The following STPG4 variants were observed in gnomAD, a reference collection of about 807,000 sequenced individuals.
STPG4 encodes protein STPG4.
STPG4 carries 41 observed loss-of-function variants against 31.5 expected under a neutral mutation model. The observed-to-expected ratio is 1.30, with a 90% CI of 1.01 to 1.69. STPG4 has a LOEUF of 1.69. Ranked by LOEUF, STPG4 falls within the 40% of genes most tolerant of loss-of-function variation. The probability of loss-of-function intolerance (pLI) is 0.00; values close to 1 mark genes in which losing one functional copy is unlikely to be tolerated. For synonymous variants in STPG4, 141 were observed against 103.0 expected, an observed-to-expected ratio of 1.37 and a Z score of -2.24; for missense variants, 375 against 293.4, an observed-to-expected ratio of 1.28 and a Z score of -2.03.
At chr2:47,115,161 AT>A (rs935929619) in intron 5 of STPG4, among the ~76,000 whole-genome samples, 1 of 150,996 alleles carries the variant, frequency 6.6e-6, no homozygotes, top group African/African-American at 2.4e-5. Context: ...TATTTTCTTC[AT>A]TTTTCCCCAT....
intron 5 of STPG4, among the ~76,000 whole-genome samples, chr2:47,102,546 T>C (rs1275735839): frequency 6.6e-6 from 1 of 151,824 alleles, no homozygotes; most frequent in African/African-American, 2.4e-5. Flanking sequence ...ATGTCCGAGC[T>C]TTCTTTTCAT....
At chr2:47,094,595 G>A (rs998179099) in intron 5 of STPG4, among the ~76,000 whole-genome samples, 5 of 152,150 alleles carry the variant, frequency 3.3e-5, no homozygotes, top group Admixed American at 6.5e-5. Context: ...GAACCAAACA[G>A]AAACACCACA....
At chr2:47,126,249 T>G (rs1012478029) in intron 5 of STPG4, among the ~76,000 whole-genome samples, 1 of 152,118 alleles carries the variant, frequency 6.6e-6, no homozygotes, top group Non-Finnish European at 1.5e-5. Context: ...CTTTCTTCTT[T>G]CTTTCCTTCC....
chr2:47,120,503 C>G (rs1054481803), intron 5 of STPG4, among the ~76,000 whole-genome samples: 1 of 151,576 alleles, frequency 6.6e-6, no homozygotes, highest in African/African-American at 2.4e-5. Context: ...GGAGGTGGAG[C>G]TTGCAGTGAG....
At chr2:47,141,593 G>A (rs1399539828) in intron 3 of STPG4, among the ~76,000 whole-genome samples, 2 of 151,174 alleles carry the variant, frequency 1.3e-5, no homozygotes, top group Non-Finnish European at 1.5e-5. Flanking sequence ...TAAGCCGCTT[G>A]ACTAACCACT....
chr2:47,092,911 G>A (rs1170132933), intron 5 of STPG4, among the ~76,000 whole-genome samples: 1 of 151,986 alleles, frequency 6.6e-6, no homozygotes, highest in Non-Finnish European at 1.5e-5. Context: ...TTCTGCATCA[G>A]CCTCTCAAGT....
intron 5 of STPG4, among the ~76,000 whole-genome samples, chr2:47,094,882 A>C (rs1685639103): frequency 6.6e-6 from 1 of 152,186 alleles, no homozygotes; most frequent in Non-Finnish European, 1.5e-5. Flanking sequence ...ATAACATTAC[A>C]GGCCTTTGGT....
At chr2:47,098,192 A>G (rs1243584186) in intron 5 of STPG4, among the ~76,000 whole-genome samples, 1 of 152,106 alleles carries the variant, frequency 6.6e-6, no homozygotes, top group African/African-American at 2.4e-5. Context: ...CCTCCTCTCT[A>G]GCCTGACCCA....
chr2:47,100,080 C>T (rs991383260), intron 5 of STPG4, among the ~76,000 whole-genome samples: 1 of 152,124 alleles, frequency 6.6e-6, no homozygotes, highest in Non-Finnish European at 1.5e-5. Flanking sequence ...CTCCAAGGTG[C>T]CCAGTCCCAT....
chr2:47,091,623 G>C (rs951230369), intron 5 of STPG4, among the ~76,000 whole-genome samples: 2 of 152,206 alleles, frequency 1.3e-5, no homozygotes, highest in Non-Finnish European at 2.9e-5. Flanking sequence ...GGAGTTAGGG[G>C]AAGTGGGTGG....
At position 47,104,772 on chromosome 2, in the gene STPG4, T is replaced by C. The variant is rs918519796; in HGVS notation, c.520-14398A>G. On this transcript the variant is annotated intron_variant, in intron 5 of 6. Coordinates refer to ENST00000445927, the MANE Select transcript of STPG4 (RefSeq NM_001163561.2). ...CCTCATGCCAGCAGGCTACTCTAGA[T>C]CTCTTGAACTTTCTAGCTAATCAAG... Among the ~76,000 whole-genome samples the C allele has an allele frequency of 5.2e-4, 79 of 152,060 alleles. 1 individual carries two copies. Among genetic ancestry groups the C allele is most frequent in the African/African-American group, 1.9e-3 (77 of 41,362 alleles).
chr2:47,117,821 C>A (rs1282272476), intron 5 of STPG4, among the ~76,000 whole-genome samples: 1 of 152,154 alleles, frequency 6.6e-6, no homozygotes, highest in Non-Finnish European at 1.5e-5. Context: ...TGCATATGAA[C>A]TCATTCTACT....
chr2:47,112,371 A>G (rs1256434665), intron 5 of STPG4, among the ~76,000 whole-genome samples: 1 of 151,738 alleles, frequency 6.6e-6, no homozygotes, highest in African/African-American at 2.4e-5. Context: ...CAGTTTCACC[A>G]TGTTGGCCAA....
rs112066230 is a variant in STPG4, at chr2:47,131,848, C to A, written c.400-1588G>T. ...CCCTGGGTCTAGGGACATTAGCCCA[C>A]AGTTATGATATAAGAATGTCAGGAA... is the stretch of plus-strand genomic sequence containing the variant. On this transcript the variant is annotated intron_variant, in intron 3 of 6. Transcript: ENST00000445927. Among the ~76,000 whole-genome samples, 518 of 152,258 alleles carry A rather than the reference C, an allele frequency of 3.4e-3. 3 individuals are homozygous for A. The highest frequency in any genetic ancestry group is 0.012 in the African/African-American group (489 of 41,552).
intron 5 of STPG4, among the ~76,000 whole-genome samples, chr2:47,112,090 AAGT>A (rs1417485482): frequency 2.0e-5 from 3 of 152,226 alleles, no homozygotes; most frequent in East Asian, 3.8e-4. Context: ...CTAAAAAACT[AAGT>A]AGTAATCTGA....
chr2:47,108,421 G>A (rs377630417), intron 5 of STPG4: 9 of 154,232 alleles, frequency 5.8e-5, no homozygotes, highest in South Asian at 2.1e-4. Flanking sequence ...CTGAGCCAGC[G>A]AGACCACGAA....
chr2:47,112,068 T>C (rs1432482991), intron 5 of STPG4, among the ~76,000 whole-genome samples: 1 of 151,846 alleles, frequency 6.6e-6, no homozygotes, highest in Non-Finnish European at 1.5e-5. Flanking sequence ...AAACTTAATG[T>C]ACTTTTGATA....
chr2:47,139,790 G>C (rs963022475), intron 3 of STPG4, among the ~76,000 whole-genome samples: 8 of 152,070 alleles, frequency 5.3e-5, no homozygotes, highest in Admixed American at 1.3e-4. Context: ...GGTGTAGTTA[G>C]ACCAATTAGA....
chr2:47,141,582 A>G (rs1686709417), intron 3 of STPG4, among the ~76,000 whole-genome samples: 1 of 151,978 alleles, frequency 6.6e-6, no homozygotes, highest in South Asian at 2.1e-4. Context: ...AATCTGCTAA[A>G]TAAGCCGCTT....
Sources: gnomAD v4.1 joint callset for allele counts (sites outside exome capture counted in the v4.1 genomes callset) on GRCh38, gnomAD v4.1.1 for gene constraint, MANE v1.5 for transcripts, NCBI Gene and HGNC (gene_info 2026-07-23, HGNC 2026-07-21) for gene names.